TTC23L: variants seen among roughly 807,000 people sequenced by gnomAD.
TTC23L encodes tetratricopeptide repeat protein 23-like.
Under a neutral mutation model 48.1 loss-of-function variants are expected in TTC23L, and 42 were observed. That is an observed-to-expected ratio of 0.87 (90% CI 0.68 to 1.13). The LOEUF (loss-of-function observed/expected upper bound fraction) is 1.13. Ranked by LOEUF, TTC23L falls within the 50% of genes most tolerant of loss-of-function variation. TTC23L has a pLI of 0.00. For missense variants in TTC23L, 391 were observed against 421.0 expected (o/e 0.93, Z 0.62); for synonymous variants, 159 against 157.2 (o/e 1.01, Z -0.09).
chr5:34,850,816 T>TA (rs1759611677), intron 4 of TTC23L, among the ~76,000 whole-genome samples: 1 of 152,174 alleles, frequency 6.6e-6, no homozygotes, highest in Non-Finnish European at 1.5e-5. Flanking sequence ...GGTACTCTAG[T>TA]ATAAGAGAAT....
At chr5:34,862,868 T>TG in intron 4 of TTC23L, 30 bp from the exon 5 acceptor site, 1 of 1,612,198 alleles carries the variant, frequency 6.2e-7, no homozygotes, top group Non-Finnish European at 8.5e-7. Flanking sequence ...AATGTCTGTC[T>TG]TCTTGCTCCT....
chr5:34,897,182 C>G (rs914301831), intron 10 of TTC23L, among the ~76,000 whole-genome samples: 1 of 151,840 alleles, frequency 6.6e-6, no homozygotes, highest in Non-Finnish European at 1.5e-5. Context: ...CTCAGGAGTT[C>G]GAGACCAGCC....
intron 4 of TTC23L, among the ~76,000 whole-genome samples, chr5:34,857,237 A>G (rs994538855): frequency 1.3e-5 from 2 of 152,198 alleles, no homozygotes; most frequent in Non-Finnish European, 2.9e-5. Flanking sequence ...TTTGGTAACT[A>G]GTGGTGAACT....
chr5:34,917,059 G>C, the TTC23L span, among the ~76,000 whole-genome samples: 1 of 152,064 alleles, frequency 6.6e-6, no homozygotes, highest in Non-Finnish European at 1.5e-5. Context: ...AAAGAATCAT[G>C]AAGGATTTAG....
At chr5:34,874,190 A>G (rs1331767409) in intron 8 of TTC23L, among the ~76,000 whole-genome samples, 1 of 152,242 alleles carries the variant, frequency 6.6e-6, no homozygotes, top group Non-Finnish European at 1.5e-5. Context: ...ATCTATCTCC[A>G]CAGGAACCAG....
At chr5:34,845,374 A>G (rs1670727474) in intron 2 of TTC23L, 113 bp from the exon 3 acceptor site, 1 of 1,099,812 alleles carries the variant, frequency 9.1e-7, no homozygotes, top group African/African-American at 1.6e-5. Context: ...CTTCCGGTTT[A>G]TGTTAGAAAT....
chr5:34,920,354 C>G, the TTC23L span: 2 of 152,136 alleles, frequency 1.3e-5, no homozygotes, highest in Non-Finnish European at 2.9e-5. Context: ...AGATACTACA[C>G]TTAGGTATTT....
Position 34,863,157 on chromosome 5 carries a change from G to A in TTC23L, c.536+103G>A, listed in dbSNP as rs1760804690. 2 of 1,468,954 alleles carry A rather than the reference G, an allele frequency of 1.4e-6. No individual in the cohort carries two copies. Among genetic ancestry groups the A allele is most frequent in the South Asian group, 1.3e-5 (1 of 78,196 alleles). The allele number at this position is 1,468,954 out of a possible 1,614,324, so 91.0% of individuals were successfully genotyped here. ...GGGTGGGAGATGGAACCAAGGCCTT[G>A]TAGATCTGTTCCAACATCAAGGCCC... On this transcript the variant is annotated intron_variant, in intron 5 of 10. Coordinates refer to ENST00000505624, the Ensembl canonical transcript of TTC23L. The surrounding 1 kb of genome is among the most constrained non-coding windows in gnomAD (Gnocchi z 4.1).
At chr5:34,917,595 G>C in the TTC23L span, among the ~76,000 whole-genome samples, 8 of 152,030 alleles carry the variant, frequency 5.3e-5, no homozygotes, top group African/African-American at 1.9e-4. Flanking sequence ...AGCCGAGATC[G>C]CGCCACTGCA....
chr5:34,875,442 G>A (rs1421109342), intron 8 of TTC23L, among the ~76,000 whole-genome samples: 1 of 152,146 alleles, frequency 6.6e-6, no homozygotes, highest in African/African-American at 2.4e-5. Context: ...TCTGATGTTT[G>A]GGGGTAGGAA....
chr5:34,914,651 T>A, the TTC23L span: 1 of 1,585,348 alleles, frequency 6.3e-7, no homozygotes, highest in Non-Finnish European at 8.7e-7. Context: ...TAAATTACAT[T>A]TAGAGTATCT....
the TTC23L span, chr5:34,915,968 G>A: frequency 3.4e-6 from 5 of 1,454,484 alleles, no homozygotes; most frequent in South Asian, 7.2e-5. Context: ...TTACTTACTT[G>A]ACTACAGCCT....
chr5:34,865,236 T>C (rs1426328899), intron 6 of TTC23L, among the ~76,000 whole-genome samples: 1 of 152,220 alleles, frequency 6.6e-6, no homozygotes, highest in Non-Finnish European at 1.5e-5. Flanking sequence ...TATCTTTACA[T>C]CCTTGAAAGC....
At chr5:34,873,905 T>G (rs12515592) in intron 8 of TTC23L, among the ~76,000 whole-genome samples, 20,864 of 152,112 alleles carry the variant, frequency 0.14, 1,624 homozygotes, top group Middle Eastern at 0.22. Flanking sequence ...CCCAAATCAG[T>G]AGGTCAACAC....
chr5:34,841,061 T>TA (rs1212233045), intron 2 of TTC23L, among the ~76,000 whole-genome samples: 1 of 151,720 alleles, frequency 6.6e-6, no homozygotes, highest in Non-Finnish European at 1.5e-5. Context: ...TAAAATAAAA[T>TA]AAAAAAGAAG....
the TTC23L span, among the ~76,000 whole-genome samples, chr5:34,917,460 C>T: frequency 5.0e-4 from 76 of 151,500 alleles, no homozygotes; most frequent in Non-Finnish European, 9.7e-4. Flanking sequence ...GGTGAAACCC[C>T]GTCTCTACTA....
chr5:34,920,501 A>G, the TTC23L span: 2 of 152,180 alleles, frequency 1.3e-5, no homozygotes, highest in Non-Finnish European at 2.9e-5. Flanking sequence ...GTAATACCAC[A>G]TTATTCTATG....
the TTC23L span, chr5:34,906,224 TG>T: frequency 2.6e-5 from 4 of 152,210 alleles, no homozygotes; most frequent in Admixed American, 1.3e-4. Context: ...CCCAAAATGC[TG>T]GGATTACAGG....
intron 9 of TTC23L, among the ~76,000 whole-genome samples, chr5:34,891,273 G>C (rs576608239): frequency 1.3e-5 from 2 of 152,292 alleles, no homozygotes; most frequent in African/African-American, 4.8e-5. Context: ...TCTGACCTGT[G>C]ATCTTAACCT....
Sources: allele counts gnomAD v4.1 joint callset (sites outside exome capture counted in the v4.1 genomes callset), GRCh38; gene constraint gnomAD v4.1.1; non-coding constraint Gnocchi (gnomAD v3.1); transcripts MANE v1.5; gene names NCBI Gene and HGNC (gene_info 2026-07-23, HGNC 2026-07-21).